Variants in ADGRB3 observed in about 807,000 individuals in gnomAD.
ADGRB3 encodes the protein brain-specific angiogenesis inhibitor 3.
ADGRB3 carries 37 observed loss-of-function variants against 193.4 expected under a neutral mutation model. That is an observed-to-expected ratio of 0.19 (90% confidence interval 0.15 to 0.25). The LOEUF is 0.25. ADGRB3 is among the 10% of genes least tolerant of loss of function. ADGRB3 has a pLI of 1.00. For missense variants in ADGRB3, 1,637 were observed against 1,852.9 expected, an observed-to-expected ratio of 0.88 and a Z score of 2.14; for synonymous variants, 690 against 644.2, an observed-to-expected ratio of 1.07 and a Z score of -1.08.
At chr6:68,911,345 C>A (rs1372953233) in intron 3 of ADGRB3, among the ~76,000 whole-genome samples, 1 of 151,574 alleles carries the variant, frequency 6.6e-6, no homozygotes. Context: ...TGCAGCACAA[C>A]AACATGGCAC....
intron 3 of ADGRB3, among the ~76,000 whole-genome samples, chr6:68,784,497 A>C (rs1766920945): frequency 6.6e-6 from 1 of 152,134 alleles, no homozygotes; most frequent in Admixed American, 6.6e-5. Context: ...TTCCTTGTAT[A>C]TCTACATACT....
chr6:69,339,323 G>A lies in ADGRB3; in HGVS notation c.3288-10G>A, dbSNP rs1006902585. 10 of 1,612,278 alleles carry A rather than the reference G, an allele frequency of 6.2e-6. No individual in the cohort carries two copies. The Admixed American group carries it at 1.0e-4, about 16-fold the overall frequency. ...ATAGCTACGTAATGTTACTTTCTTG[G>A]TCTCAACAGGGCGTCTCTTTGGAGC... On this transcript the variant is annotated splice_polypyrimidine_tract_variant and intron_variant, in intron 25 of 31. Transcript: ENST00000370598.
At chr6:69,235,406 C>T (rs1248301339) in intron 19 of ADGRB3, among the ~76,000 whole-genome samples, 1 of 152,030 alleles carries the variant, frequency 6.6e-6, no homozygotes, top group Non-Finnish European at 1.5e-5. Context: ...AAGTTGCTTA[C>T]CCCAAGCATA....
At chr6:69,193,731 G>A (rs1401293485) in intron 17 of ADGRB3, among the ~76,000 whole-genome samples, 2 of 151,590 alleles carry the variant, frequency 1.3e-5, no homozygotes, top group Non-Finnish European at 2.9e-5. Context: ...TTTTTACCTA[G>A]AATGTAAAAT....
At chr6:68,746,717 C>T (rs557372064) in intron 3 of ADGRB3, among the ~76,000 whole-genome samples, 1 of 152,124 alleles carries the variant, frequency 6.6e-6, no homozygotes, top group Non-Finnish European at 1.5e-5. Context: ...CTCGGTCTCT[C>T]CAAAAACATT....
chr6:69,010,003 C>T (rs1245611185), intron 11 of ADGRB3, among the ~76,000 whole-genome samples: 1 of 152,066 alleles, frequency 6.6e-6, no homozygotes, highest in African/African-American at 2.4e-5. Context: ...TTTTTTATTG[C>T]TTTCCATAAA....
At position 69,049,681 on chromosome 6, in the gene ADGRB3, T is replaced by C. The variant is rs555160450; in HGVS notation, c.2333+335T>C. 1.2e-3 allele frequency among the ~76,000 whole-genome samples: 184 copies of C among 152,262 alleles called. 1 individual carries two copies. The highest frequency in any genetic ancestry group is 4.4e-3 in the African/African-American group (181 of 41,564). On this transcript the variant is annotated intron_variant, in intron 15 of 31. Coordinates refer to ENST00000370598, the MANE Select transcript of ADGRB3 (RefSeq NM_001704.3). Reference sequence around the variant, plus strand: ...GTAAAATTGATCTGTCTTCTCCCTTTAGTTGTACTTAATGGTACTGTTCAT... The same window carrying C: ...GTAAAATTGATCTGTCTTCTCCCTTCAGTTGTACTTAATGGTACTGTTCAT...
chr6:69,385,702 C>T (rs1460822328), intron 31 of ADGRB3, among the ~76,000 whole-genome samples: 1 of 152,094 alleles, frequency 6.6e-6, no homozygotes, highest in Non-Finnish European at 1.5e-5. Flanking sequence ...ACACTAACTT[C>T]GAAGTTTTTA....
rs138293859 is a variant in ADGRB3 at position 69,078,204 on chromosome 6, T to A, written c.2480+2166T>A. The stretch of plus-strand genomic sequence containing the variant: ...GAAGTTGTGCTTTAATTTTGGTTTA[T>A]CAAGTTGCTGTTATTTTTAATTTTT... On this transcript the variant is annotated intron_variant, in intron 17 of 31. Transcript: ENST00000370598. 9.4e-3 allele frequency among the ~76,000 whole-genome samples: 1,427 copies of A among 152,132 alleles called. 24 individuals are homozygous for A. The highest frequency in any genetic ancestry group is 0.033 in the African/African-American group (1,362 of 41,566).
At chr6:69,229,191 A>T (rs760841436) in intron 17 of ADGRB3, among the ~76,000 whole-genome samples, 18 of 152,164 alleles carry the variant, frequency 1.2e-4, no homozygotes, top group Non-Finnish European at 2.2e-4. Context: ...TTAAAGTAGA[A>T]ATTAACGTCG....
At chr6:68,882,100 G>T (rs1765749612) in intron 3 of ADGRB3, among the ~76,000 whole-genome samples, 1 of 152,084 alleles carries the variant, frequency 6.6e-6, no homozygotes, top group East Asian at 1.9e-4. Context: ...CTTTGATTTA[G>T]AAATGTTACA....
At chr6:69,211,135 G>A (rs1765658848) in intron 17 of ADGRB3, among the ~76,000 whole-genome samples, 1 of 151,982 alleles carries the variant, frequency 6.6e-6, no homozygotes, top group South Asian at 2.1e-4. Context: ...AGAAAAAAAA[G>A]AAATATAAGC....
At chr6:69,205,155 A>G (rs1456801065) in intron 17 of ADGRB3, among the ~76,000 whole-genome samples, 10 of 152,124 alleles carry the variant, frequency 6.6e-5, no homozygotes, top group Non-Finnish European at 4.4e-5. Context: ...ATTGCTTAAC[A>G]CTCCTACTAT....
intron 20 of ADGRB3, among the ~76,000 whole-genome samples, chr6:69,294,837 C>T (rs985017125): frequency 3.9e-5 from 6 of 151,980 alleles, no homozygotes; most frequent in African/African-American, 1.4e-4. Context: ...CAATCTTTGT[C>T]CCTTTTTGCT....
Position 68,831,407 on chromosome 6 carries a change from C to G in ADGRB3, c.758-99152C>G, listed in dbSNP as rs151111383. Among the ~76,000 whole-genome samples, 74 of 151,096 alleles carry G rather than the reference C, an allele frequency of 4.9e-4. 1 individual carries two copies. The highest frequency in any genetic ancestry group is 1.7e-3 in the African/African-American group (70 of 41,106). ...CTTTTTAGGTGGAAAAGTCTTTCAG[C>G]AGTTGAGAAAAGGAGTGTAGAGCTT... On this transcript the variant is annotated intron_variant, in intron 3 of 31. Transcript: ENST00000370598.
intron 3 of ADGRB3, among the ~76,000 whole-genome samples, chr6:68,783,298 A>G (rs1766895399): frequency 6.8e-6 from 1 of 146,768 alleles, no homozygotes; most frequent in East Asian, 2.0e-4. Context: ...CTAAATATAT[A>G]TATATATATA....
At chr6:68,738,672 T>C (rs530498931) in intron 3 of ADGRB3, among the ~76,000 whole-genome samples, 2 of 152,256 alleles carry the variant, frequency 1.3e-5, no homozygotes, top group South Asian at 4.1e-4. Flanking sequence ...GTTTTTGGCA[T>C]GAGCAATTTT....
chr6:68,738,000 G>A (rs1464652798), intron 3 of ADGRB3, among the ~76,000 whole-genome samples: 1 of 152,126 alleles, frequency 6.6e-6, no homozygotes, highest in African/African-American at 2.4e-5. Flanking sequence ...AAAGGGAAAG[G>A]TGTTGCTAGG....
chr6:69,272,920 G>A (rs936713310), intron 20 of ADGRB3, among the ~76,000 whole-genome samples: 2 of 152,126 alleles, frequency 1.3e-5, no homozygotes, highest in Non-Finnish European at 2.9e-5. Flanking sequence ...TTTTGTTTGA[G>A]ATGGAGTTTT....
Sources: gnomAD v4.1 joint callset for allele counts (sites outside exome capture counted in the v4.1 genomes callset) on GRCh38, gnomAD v4.1.1 for gene constraint, MANE v1.5 for transcripts, NCBI Gene and HGNC (gene_info 2026-07-23, HGNC 2026-07-21) for gene names.